Variants in CR1L observed in about 807,000 individuals in gnomAD.
The protein encoded by CR1L is complement component receptor 1-like protein.
Under a neutral mutation model 62.3 loss-of-function variants are expected in CR1L, and 59 were observed. The observed-to-expected ratio is 0.95, with a 90% CI of 0.77 to 1.18. CR1L has a LOEUF of 1.18. CR1L is among the 50% of genes most tolerant of loss of function. The probability of loss-of-function intolerance (pLI) is 0.00; values close to 1 mark genes in which losing one functional copy is unlikely to be tolerated. For missense variants in CR1L, 700 were observed against 702.8 expected, an observed-to-expected ratio of 1.00 and a Z score of 0.04; for synonymous variants, 279 against 248.7, an observed-to-expected ratio of 1.12 and a Z score of -1.15.
At chr1:207,721,600 A>T (rs1376642798) in intron 11 of CR1L, among the ~76,000 whole-genome samples, 1 of 146,146 alleles carries the variant, frequency 6.8e-6, no homozygotes, top group African/African-American at 2.5e-5. Flanking sequence ...ATTGTTGGAC[A>T]TTTGGGTTGG....
chr1:207,708,679 A>C (rs1664307970), intron 10 of CR1L, among the ~76,000 whole-genome samples: 1 of 152,332 alleles, frequency 6.6e-6, no homozygotes, highest in East Asian at 1.9e-4. Context: ...CTTTGTCTAA[A>C]CAGGATCATG....
chr1:207,682,210 C>T (rs146215050), intron 3 of CR1L, among the ~76,000 whole-genome samples: 2,680 of 148,970 alleles, frequency 0.018, 29 homozygotes, highest in Middle Eastern at 0.045. Flanking sequence ...GTGGCTCATG[C>T]GTGTAATCCC....
rs777854251 is a variant in CR1L at position 207,717,707 on chromosome 1, C to T, written c.1642+16C>T. 4 of 1,613,468 alleles carry T rather than the reference C, an allele frequency of 2.5e-6. No individual in the cohort carries two copies. The highest frequency in any genetic ancestry group is 1.1e-5 in the South Asian group (1 of 91,054). On this transcript the variant is annotated intron_variant, in intron 11 of 11. Transcript: ENST00000508064. ...GTTGGTGCTGGTCAGTATCCGCTTC[C>T]ACATATCCTAAATGGGTTCAGAATA...
intron 9 of CR1L, among the ~76,000 whole-genome samples, chr1:207,706,247 C>T (rs546787382): frequency 6.6e-6 from 1 of 151,674 alleles, no homozygotes; most frequent in African/African-American, 2.4e-5. Context: ...AGGCAAAACC[C>T]CATCTCTACA....
chr1:207,655,258 AG>A (rs1417046038), intron 1 of CR1L: 1 of 706,942 alleles, frequency 1.4e-6, no homozygotes, highest in African/African-American at 1.8e-5. Flanking sequence ...TGGAGCAGTA[AG>A]CCCCCAATAT....
chr1:207,651,031 C>T (rs34775017), intron 1 of CR1L, among the ~76,000 whole-genome samples: 15 of 151,932 alleles, frequency 9.9e-5, no homozygotes, highest in Non-Finnish European at 2.2e-4. Context: ...GTGATCCGCC[C>T]GCCTCGGCCT....
intron 7 of CR1L, among the ~76,000 whole-genome samples, chr1:207,698,077 G>A (rs1664134427): frequency 6.6e-6 from 1 of 151,594 alleles, no homozygotes; most frequent in African/African-American, 2.4e-5. Context: ...GATATGAAGA[G>A]GACACTGGGC....
chr1:207,646,627 C>T (rs761280734), intron 1 of CR1L, among the ~76,000 whole-genome samples: 2 of 142,348 alleles, frequency 1.4e-5, no homozygotes, highest in Non-Finnish European at 3.0e-5. Flanking sequence ...GGGAGGATCG[C>T]TTGAGCCCAG....
At chr1:207,657,347 C>A in intron 1 of CR1L, 1 of 848,802 alleles carries the variant, frequency 1.2e-6, no homozygotes, top group South Asian at 1.4e-5. Context: ...TTTCCTTCTT[C>A]ATCTGTAAGT....
chr1:207,709,605 G>A (rs1364476360), intron 10 of CR1L, among the ~76,000 whole-genome samples: 1 of 152,160 alleles, frequency 6.6e-6, no homozygotes, highest in Non-Finnish European at 1.5e-5. Context: ...GGAGGCCCAA[G>A]GTAGGTGGAT....
chr1:207,723,001 A>G (rs1020308615), intron 11 of CR1L, among the ~76,000 whole-genome samples: 6 of 152,228 alleles, frequency 3.9e-5, no homozygotes, highest in African/African-American at 7.2e-5. Context: ...TATTTCTAGT[A>G]TATAAATATG....
intron 1 of CR1L, among the ~76,000 whole-genome samples, chr1:207,673,855 A>G (rs879261269): frequency 2.6e-5 from 4 of 152,190 alleles, no homozygotes; most frequent in Non-Finnish European, 5.9e-5. Context: ...CCACAAAAAG[A>G]CTTGTACATG....
At chr1:207,645,703 C>G (rs972076630) in intron 1 of CR1L, among the ~76,000 whole-genome samples, 1 of 152,144 alleles carries the variant, frequency 6.6e-6, no homozygotes, top group Non-Finnish European at 1.5e-5. Flanking sequence ...TGCTAGAGCC[C>G]GTGCTGTGCC....
chr1:207,691,000 A>T (rs543325490), intron 4 of CR1L, among the ~76,000 whole-genome samples: 1 of 152,206 alleles, frequency 6.6e-6, no homozygotes, highest in Non-Finnish European at 1.5e-5. Flanking sequence ...TCACATTCAC[A>T]GGTTTCAGAG....
chr1:207,658,012 C>G (rs11118278), intron 1 of CR1L, among the ~76,000 whole-genome samples: 55,190 of 151,940 alleles, frequency 0.36, 10,187 homozygotes, highest in Non-Finnish European at 0.4. Flanking sequence ...GAAAAGTATA[C>G]AAGACACTCC....
At chr1:207,704,308 C>T (rs1664237125) in intron 9 of CR1L, among the ~76,000 whole-genome samples, 1 of 152,178 alleles carries the variant, frequency 6.6e-6, no homozygotes, top group Non-Finnish European at 1.5e-5. Context: ...CAAACTTGAA[C>T]AGAAGAGGAG....
rs368646288 is a variant in CR1L, at chr1:207,717,565, C to G, written c.1516C>G (p.Pro506Ala). The part of the protein sequence containing the change: ...YGKEVSYTCD[P>A]HPDRGMTFNL... The stretch of plus-strand genomic sequence containing the variant: ...AAAAGAAGTATCTTACACATGTGAC[C>G]CCCACCCAGACAGAGGGATGACCTT... Residue 506 changes from proline to alanine, a missense_variant, in exon 11 of 12, where the codon CCC becomes GCC. Pro to Ala is a conservative substitution (Grantham distance 27). Coordinates refer to ENST00000508064, the MANE Select transcript of CR1L (RefSeq NM_175710.2). 25 of 1,613,718 alleles carry G rather than the reference C, an allele frequency of 1.5e-5. No individual in the cohort carries two copies. Among genetic ancestry groups the G allele is most frequent in the African/African-American group, 4.0e-5 (3 of 74,888 alleles).
intron 8 of CR1L, among the ~76,000 whole-genome samples, chr1:207,700,676 G>C (rs1164885569): frequency 6.6e-6 from 1 of 152,184 alleles, no homozygotes; most frequent in African/African-American, 2.4e-5. Flanking sequence ...ATCAATATCA[G>C]TAAGTAATCA....
At chr1:207,680,343 ACG>A (rs1022225301) in intron 3 of CR1L, among the ~76,000 whole-genome samples, 4 of 152,270 alleles carry the variant, frequency 2.6e-5, no homozygotes, top group African/African-American at 9.6e-5. Flanking sequence ...ATAAACAGAC[ACG>A]CACACAGTCG....
Sources: gnomAD v4.1 joint callset for allele counts (sites outside exome capture counted in the v4.1 genomes callset) on GRCh38, gnomAD v4.1.1 for gene constraint, MANE v1.5 for transcripts, NCBI Gene and HGNC (gene_info 2026-07-23, HGNC 2026-07-21) for gene names.